Variants in MAST4 observed in about 807,000 individuals in gnomAD.
The protein encoded by MAST4 is microtubule-associated serine/threonine-protein kinase 4.
In MAST4, 89 loss-of-function variants were observed where a neutral mutation model predicts 162.7. That is an observed-to-expected ratio of 0.55 (90% confidence interval 0.46 to 0.65). The LOEUF is 0.65. MAST4 is among the 30% of genes least tolerant of loss of function. MAST4 has a pLI of 0.00. For missense variants in MAST4, 3,153 were observed against 3,374.0 expected, an observed-to-expected ratio of 0.93 and a Z score of 1.62; for synonymous variants, 1,479 against 1,361.1, an observed-to-expected ratio of 1.09 and a Z score of -1.91.
chr5:66,911,763 C>A (rs1012981378), intron 4 of MAST4, among the ~76,000 whole-genome samples: 2 of 151,926 alleles, frequency 1.3e-5, no homozygotes, highest in African/African-American at 4.8e-5. Context: ...TGAATTTAAA[C>A]GTGTATTATA....
intron 1 of MAST4, among the ~76,000 whole-genome samples, chr5:66,683,721 G>A (rs1748469893): frequency 6.6e-6 from 1 of 152,190 alleles, no homozygotes; most frequent in South Asian, 2.1e-4. Flanking sequence ...GATTACCTGA[G>A]ACTGGGATTT....
chr5:66,612,728 G>A (rs1743374193), intron 1 of MAST4, among the ~76,000 whole-genome samples: 1 of 152,180 alleles, frequency 6.6e-6, no homozygotes, highest in African/African-American at 2.4e-5. Flanking sequence ...AATCCTGATG[G>A]ATTTTCCATG....
At chr5:67,078,931 T>TATATATATA (rs1762241335) in intron 5 of MAST4, among the ~76,000 whole-genome samples, 1 of 71,322 alleles carries the variant, frequency 1.4e-5, no homozygotes, top group African/African-American at 7.4e-5. Context: ...TATATATATA[T>TATATATATA]ATATATATAT....
At chr5:66,869,138 C>T (rs1197649897) in intron 3 of MAST4, among the ~76,000 whole-genome samples, 1 of 152,080 alleles carries the variant, frequency 6.6e-6, no homozygotes, top group Non-Finnish European at 1.5e-5. Context: ...TTAGTAAGGG[C>T]GGTTCTTCAC....
At chr5:66,759,990 A>G in intron 2 of MAST4, 128 bp downstream of exon 2, 2 of 889,480 alleles carry the variant, frequency 2.2e-6, no homozygotes, top group Non-Finnish European at 3.1e-6. Flanking sequence ...TTTCATAAAA[A>G]TCTTATCTAA....
chr5:66,911,557 AACCCCCC>A (rs1763766391), intron 4 of MAST4, among the ~76,000 whole-genome samples: 1 of 12,844 alleles, frequency 7.8e-5, no homozygotes, highest in Non-Finnish European at 1.4e-4. Context: ...AAACAACAAC[AACCCCCC>A]CCCCCCCCCC....
chr5:67,058,051 A>G (rs1189065048), intron 5 of MAST4, among the ~76,000 whole-genome samples: 1 of 152,060 alleles, frequency 6.6e-6, no homozygotes, highest in Non-Finnish European at 1.5e-5. Flanking sequence ...CCTAGATGAC[A>G]TAGTGAGACC....
intron 1 of MAST4, among the ~76,000 whole-genome samples, chr5:66,677,459 C>T (rs939103441): frequency 1.3e-5 from 2 of 152,118 alleles, no homozygotes; most frequent in African/African-American, 4.8e-5. Flanking sequence ...ATCCATTTTG[C>T]ATTTGCTCAA....
chr5:66,837,616 C>G (rs937268440), intron 3 of MAST4, among the ~76,000 whole-genome samples: 1 of 151,774 alleles, frequency 6.6e-6, no homozygotes. Context: ...GCTGGCTGCC[C>G]TATTGAACCA....
At chr5:66,675,670 T>C (rs1362325656) in intron 1 of MAST4, among the ~76,000 whole-genome samples, 1 of 152,130 alleles carries the variant, frequency 6.6e-6, no homozygotes, top group East Asian at 1.9e-4. Context: ...AATCTGCTTT[T>C]GAAGTTAAGC....
At chr5:66,954,972 G>C (rs1316544494) in intron 4 of MAST4, among the ~76,000 whole-genome samples, 1 of 149,502 alleles carries the variant, frequency 6.7e-6, no homozygotes, top group East Asian at 1.9e-4. Flanking sequence ...AGGCCGAGGT[G>C]GGTGGATCAC....
intron 1 of MAST4, among the ~76,000 whole-genome samples, chr5:66,663,222 C>T (rs1032943411): frequency 3.3e-5 from 5 of 152,180 alleles, no homozygotes; most frequent in East Asian, 1.9e-4. Flanking sequence ...TGTGTGTATA[C>T]ATGGATTGTT....
intron 4 of MAST4, among the ~76,000 whole-genome samples, chr5:67,052,115 G>A (rs1758256082): frequency 6.6e-6 from 1 of 152,094 alleles, no homozygotes; most frequent in Non-Finnish European, 1.5e-5. Context: ...ATGGTAAACT[G>A]TTCAAATTCT....
At chr5:67,118,016 G>A (rs1250564734) in intron 12 of MAST4, among the ~76,000 whole-genome samples, 1 of 152,150 alleles carries the variant, frequency 6.6e-6, no homozygotes, top group Non-Finnish European at 1.5e-5. Flanking sequence ...TATGCTAAGA[G>A]CTTTACATGC....
At chr5:67,005,069 C>T in intron 4 of MAST4, 1 of 767,494 alleles carries the variant, frequency 1.3e-6, no homozygotes, top group South Asian at 1.4e-5. Context: ...TGGGAACAGG[C>T]TTCGGCGAAC....
intron 4 of MAST4, among the ~76,000 whole-genome samples, chr5:66,985,353 G>T (rs555135277): frequency 6.6e-6 from 1 of 152,168 alleles, no homozygotes; most frequent in Non-Finnish European, 1.5e-5. Context: ...TGAGTAGAAG[G>T]TAGAATGCAG....
chr5:66,619,005 T>C (rs190730977), intron 1 of MAST4, among the ~76,000 whole-genome samples: 28 of 152,306 alleles, frequency 1.8e-4, no homozygotes, highest in Non-Finnish European at 3.4e-4. Context: ...ACGCACTAAA[T>C]GCTGGCCTGT....
At chr5:66,946,640 G>A (rs1330532919) in intron 4 of MAST4, among the ~76,000 whole-genome samples, 4 of 152,156 alleles carry the variant, frequency 2.6e-5, no homozygotes, top group African/African-American at 9.7e-5. Flanking sequence ...AACAGTAAAT[G>A]ACAAGCGGTA....
At chr5:66,836,012 A>C (rs1219907646) in intron 3 of MAST4, among the ~76,000 whole-genome samples, 1 of 152,162 alleles carries the variant, frequency 6.6e-6, no homozygotes, top group Non-Finnish European at 1.5e-5. Context: ...TCTATAAAAA[A>C]ATACAAAAAT....
Sources: gnomAD v4.1 joint callset for allele counts (sites outside exome capture counted in the v4.1 genomes callset) on GRCh38, gnomAD v4.1.1 for gene constraint, MANE v1.5 for transcripts, NCBI Gene and HGNC (gene_info 2026-07-23, HGNC 2026-07-21) for gene names.